Variants in GPSM1 observed in about 807,000 individuals in gnomAD.
GPSM1 encodes the protein G protein signaling modulator 1, also known as G protein-signaling modulator 1.
A neutral mutation model predicts 70.5 loss-of-function variants in GPSM1; 48 were observed. The ratio of observed to expected loss-of-function variants is 0.68; its 90% confidence interval spans 0.54 to 0.87. The LOEUF (loss-of-function observed/expected upper bound fraction) is 0.87, where lower values mean the gene tolerates loss of function less well. GPSM1 is among the 40% of genes least tolerant of loss of function. The probability of loss-of-function intolerance (pLI) is 0.00; values close to 1 mark genes in which losing one functional copy is unlikely to be tolerated. For synonymous variants in GPSM1, 416 were observed against 430.1 expected (o/e 0.97, Z 0.41); for missense variants, 981 against 972.6 (o/e 1.01, Z -0.11).
intron 9 of GPSM1, among the ~76,000 whole-genome samples, chr9:136,347,687 C>A (rs1044351096): frequency 2.0e-5 from 3 of 152,114 alleles, no homozygotes. Flanking sequence ...CACAGGGCTT[C>A]CTGCCTGGTT....
Position 136,358,279 on chromosome 9 carries a change from T to A in GPSM1, c.*59T>A. 7.1e-7 allele frequency: 1 copy of A among 1,401,058 alleles called. No individual in the cohort carries two copies. The highest frequency in any genetic ancestry group is 9.7e-7 in the Non-Finnish European group (1 of 1,028,718). The allele number at this position is 1,401,058 out of a possible 1,614,324, so 86.8% of individuals were successfully genotyped here. A position where few individuals can be genotyped will look rare whatever the true frequency, so the allele number is the denominator to read the frequency against. On this transcript the variant is annotated 3_prime_UTR_variant, in exon 14 of 14. Transcript: ENST00000440944. ...CCACTCCTGGACGCCGGTCTCACAG[T>A]CACAGCCACGTCCTCCCGAGGCCAT...
chr9:136,351,909 GGGGACTGCA>G (rs1832672471), intron 11 of GPSM1, among the ~76,000 whole-genome samples: 1 of 152,172 alleles, frequency 6.6e-6, no homozygotes, highest in Non-Finnish European at 1.5e-5. Context: ...CAGCCTGTAT[GGGGACTGCA>G]GCGAGGGTGG....
rs1020814895 is a variant in GPSM1, at chr9:136,342,325, C to T, written c.1207+1332C>T. Among the ~76,000 whole-genome samples the T allele has an allele frequency of 2.0e-5, 3 of 152,070 alleles. No individual in the cohort carries two copies. The highest frequency in any genetic ancestry group is 4.1e-4 in the South Asian group (2 of 4,824). On this transcript the variant is annotated intron_variant, in intron 9 of 13. Transcript: ENST00000440944. The surrounding 1 kb of genome is among the most constrained non-coding windows in gnomAD (Gnocchi z 5.5). The stretch of plus-strand genomic sequence containing the variant: ...GCTGGGAGCAGCTCTGGAAAGGCTC[C>T]GCGGAGGCTGCGGCTCTGGGTCCTC...
intron 12 of GPSM1, among the ~76,000 whole-genome samples, chr9:136,356,047 A>T (rs1160087675): frequency 6.6e-6 from 1 of 152,040 alleles, no homozygotes; most frequent in Non-Finnish European, 1.5e-5. Flanking sequence ...CCTCCGGGAC[A>T]CACTCAGGCT....
At chr9:136,348,179 G>A (rs1832568673) in intron 9 of GPSM1, among the ~76,000 whole-genome samples, 1 of 152,232 alleles carries the variant, frequency 6.6e-6, no homozygotes. Flanking sequence ...CGGCAGAGCT[G>A]GTCTGGGGGA....
intron 7 of GPSM1, 46 bp downstream of exon 7, chr9:136,338,756 G>T (rs782290527): frequency 2.7e-6 from 4 of 1,509,296 alleles, no homozygotes; most frequent in Admixed American, 4.1e-5. Context: ...CGGCCCACAG[G>T]CTGAATTACC....
At position 136,335,981 on chromosome 9, in the gene GPSM1, C is replaced by T. The variant is rs781803108; in HGVS notation, c.306C>T (p.Arg102=). The T allele has an allele frequency of 6.2e-7, 1 of 1,612,512 alleles. No homozygotes were observed. The highest frequency in any genetic ancestry group is 1.7e-5 in the Admixed American group (1 of 59,988). Residue 102 remains arginine, a synonymous_variant, in exon 3 of 14, where the codon CGC becomes CGT. Coordinates refer to ENST00000440944, the MANE Select transcript of GPSM1 (RefSeq NM_001145638.3). ...TGCCATCCAGGACCATCGGTGACCG[C>T]ATGGGGGAGGCCAAGGCCAGTGGAA... is the stretch of plus-strand genomic sequence containing the variant. ...DLLLARTIGD[R]MGEAKASGNL...
chr9:136,353,812 C>T (rs1832737808), intron 11 of GPSM1, among the ~76,000 whole-genome samples: 1 of 152,164 alleles, frequency 6.6e-6, no homozygotes, highest in Non-Finnish European at 1.5e-5. Context: ...GGAGCCAGTT[C>T]CTTTTAGACC....
chr9:136,344,527 C>T (rs1176962510), intron 9 of GPSM1, among the ~76,000 whole-genome samples: 1 of 152,202 alleles, frequency 6.6e-6, no homozygotes, highest in Non-Finnish European at 1.5e-5. Flanking sequence ...CTTGAGAACA[C>T]TGGTGGCTTC....
In GPSM1 at chr9:136,339,812, G is replaced by T. The variant is rs977279754; in HGVS notation, c.1080G>T (p.Gln360His). The T allele has an allele frequency of 6.5e-7, 1 of 1,540,426 alleles. No homozygotes were observed. ...CCAAGAAGCACCTGCAGATCTCCCA[G>T]GAGGTGAGCCAGGCCTGCCCCCAGA... ...TFAKKHLQISQEIGDRHGELT... is the reference protein window; with the variant it reads ...TFAKKHLQISHEIGDRHGELT... The change falls in exon 8 of 14, where the codon CAG (glutamine) becomes CAT (histidine). Residue 360 changes from glutamine (Q) to histidine (H), a missense_variant. Transcript: ENST00000440944.
rs1832254816 is a variant in GPSM1 at position 136,336,982 on chromosome 9, T to C, written c.488T>C (p.Leu163Pro). The change falls in exon 4 of 14, where the codon CTG (leucine) becomes CCG (proline). Residue 163 changes from leucine to proline, a missense_variant. By Grantham distance (98) the Leu-to-Pro change is moderately conservative (BLOSUM62 -3). Coordinates refer to ENST00000440944, the MANE Select transcript of GPSM1 (RefSeq NM_001145638.3). ...GNVYHAKGKQ[L>P]SWNAANATQD... ...GTGTACCACGCCAAAGGCAAGCAAC[T>C]GTCCTGGAACGCCGCAAACGCCACG... 1.3e-6 allele frequency: 2 copies of C among 1,555,880 alleles called. No homozygotes were observed. Among genetic ancestry groups the C allele is most frequent in the Non-Finnish European group, 1.7e-6 (2 of 1,150,222 alleles).
intron 6 of GPSM1, 39 bp from the exon 7 acceptor site, chr9:136,338,516 A>G (rs782343114): frequency 1.9e-6 from 3 of 1,582,852 alleles, no homozygotes; most frequent in Non-Finnish European, 2.6e-6. Flanking sequence ...CTCACCCTGG[A>G]GCCCTCCTCC....
At position 136,356,468 on chromosome 9, in the gene GPSM1, ACAG is replaced by A. The variant is rs1832829917; in HGVS notation, c.1742_1744del (p.Ser581del). ...AGCCTGCCGGGGCTGCGAATCACCC[ACAG>A]CAATGCAGGGCACCTCCGAGGCCAC... is the stretch of plus-strand genomic sequence containing the variant. On this transcript the variant is annotated inframe_deletion, in exon 13 of 14. Coordinates refer to ENST00000440944, the MANE Select transcript of GPSM1 (RefSeq NM_001145638.3). 2 of 1,611,624 alleles carry A rather than the reference ACAG, an allele frequency of 1.2e-6. No homozygotes were observed. Among genetic ancestry groups the A allele is most frequent in the Non-Finnish European group, 1.7e-6 (2 of 1,179,232 alleles).
At chr9:136,334,372 T>G (rs1832175520) in intron 1 of GPSM1, 75 bp from the exon 2 acceptor site, 1 of 1,077,792 alleles carries the variant, frequency 9.3e-7, no homozygotes, top group Admixed American at 1.9e-5. Flanking sequence ...TCGTCTGTAG[T>G]GAAGCCACGG....
Position 136,358,450 on chromosome 9 carries a change from CGCAGGCCGGACGGGGCCTTCG to C in GPSM1, c.*234_*254del, listed in dbSNP as rs1832906780. The stretch of plus-strand genomic sequence containing the variant: ...TCAGCTTCCTCCCTTCTGCCCCTGC[CGCAGGCCGGACGGGGCCTTCG>C]GCATGTCGGCCCCGACCTGGTGCTG... On this transcript the variant is annotated 3_prime_UTR_variant, in exon 14 of 14. Coordinates refer to ENST00000440944, the MANE Select transcript of GPSM1 (RefSeq NM_001145638.3). 1 of 564,040 alleles carries C rather than the reference CGCAGGCCGGACGGGGCCTTCG, an allele frequency of 1.8e-6. No homozygotes were observed. The highest frequency in any genetic ancestry group is 3.1e-6 in the Non-Finnish European group (1 of 324,162). The allele number at this position is 564,040 out of a possible 1,614,324, so 34.9% of individuals were successfully genotyped here.
At chr9:136,355,869 C>T in intron 12 of GPSM1, 23 bp downstream of exon 12, 2 of 1,587,540 alleles carry the variant, frequency 1.3e-6, no homozygotes. Flanking sequence ...CTCAGCCGGG[C>T]CCTCCCTTGG....
At chr9:136,330,349 C>G (rs1832072391) in intron 1 of GPSM1, among the ~76,000 whole-genome samples, 1 of 152,136 alleles carries the variant, frequency 6.6e-6, no homozygotes, top group South Asian at 2.1e-4. Context: ...GCCACATGGC[C>G]ATGCTACCCC....
intron 1 of GPSM1, among the ~76,000 whole-genome samples, chr9:136,333,378 G>A (rs1260098601): frequency 2.0e-5 from 3 of 151,824 alleles, no homozygotes; most frequent in Admixed American, 1.3e-4. Context: ...AGGCCCCAGA[G>A]CAGGCAGCAG....
Position 136,340,863 on chromosome 9 carries a change from G to A in GPSM1, c.1084-7G>A, listed in dbSNP as rs377556874. The A allele has an allele frequency of 1.9e-4, 297 of 1,564,978 alleles. No individual in the cohort carries two copies. The highest frequency in any genetic ancestry group is 2.1e-4 in the Non-Finnish European group (247 of 1,157,938). On this transcript the variant is annotated splice_polypyrimidine_tract_variant and splice_region_variant and intron_variant, in intron 8 of 13. Coordinates refer to ENST00000440944, the MANE Select transcript of GPSM1 (RefSeq NM_001145638.3). This position sits in a 1 kb window ranked among gnomAD's most constrained non-coding sequence, Gnocchi z 7.3. ...ACCTGCCCGCTCCGCCACCCCACTC[G>A]CCGCAGATCGGGGACCGCCATGGGG... is the stretch of plus-strand genomic sequence containing the variant.
Sources: allele counts gnomAD v4.1 joint callset (sites outside exome capture counted in the v4.1 genomes callset), GRCh38; gene constraint gnomAD v4.1.1; non-coding constraint Gnocchi (gnomAD v3.1); transcripts MANE v1.5; gene names NCBI Gene and HGNC (gene_info 2026-07-23, HGNC 2026-07-21).